TTLL1: variants seen among roughly 807,000 people sequenced by gnomAD.
TTLL1 encodes polyglutamylase complex subunit TTLL1.
A neutral mutation model predicts 47.8 loss-of-function variants in TTLL1; 33 were observed. The observed-to-expected ratio is 0.69, with a 90% confidence interval of 0.52 to 0.92. The LOEUF (loss-of-function observed/expected upper bound fraction) is 0.92, where lower values mean the gene tolerates loss of function less well. TTLL1 is among the 40% of genes least tolerant of loss of function. The pLI, the probability that TTLL1 is intolerant of heterozygous loss-of-function variation, is 0.00. For synonymous variants in TTLL1, 225 were observed against 214.1 expected, an observed-to-expected ratio of 1.05 and a Z score of -0.45; for missense variants, 488 against 547.5, an observed-to-expected ratio of 0.89 and a Z score of 1.08.
chr22:43,054,723 C>CTTTT (rs60472260), intron 8 of TTLL1, among the ~76,000 whole-genome samples: 21 of 95,768 alleles, frequency 2.2e-4, no homozygotes, highest in Admixed American at 8.4e-4. Context: ...TGCACCTGGC[C>CTTTT]TTTTTTTTTT....
At chr22:43,082,112 A>T (rs1204705820) in intron 1 of TTLL1, among the ~76,000 whole-genome samples, 1 of 151,676 alleles carries the variant, frequency 6.6e-6, no homozygotes, top group Non-Finnish European at 1.5e-5. Flanking sequence ...TCTGCCTCCC[A>T]AAGTGCTGGG....
At chr22:43,087,322 C>T (rs1044042814) in intron 1 of TTLL1, among the ~76,000 whole-genome samples, 11 of 151,992 alleles carry the variant, frequency 7.2e-5, no homozygotes, top group African/African-American at 2.2e-4. Flanking sequence ...GTCGGGAGTT[C>T]GAGACCAGCC....
intron 2 of TTLL1, among the ~76,000 whole-genome samples, chr22:43,076,854 C>A (rs1253919736): frequency 6.6e-6 from 1 of 152,022 alleles, no homozygotes; most frequent in Admixed American, 6.6e-5. Flanking sequence ...GTAATCCCAG[C>A]ACTTTGGGAG....
intron 2 of TTLL1, among the ~76,000 whole-genome samples, chr22:43,079,275 G>A (rs1928724472): frequency 7.1e-6 from 1 of 140,252 alleles, no homozygotes; most frequent in Non-Finnish European, 1.5e-5. Flanking sequence ...CCGCACCCCA[G>A]AGCGTGAGCC....
chr22:43,057,949 TA>T (rs1467817619), intron 8 of TTLL1, among the ~76,000 whole-genome samples: 1,186 of 118,552 alleles, frequency 0.01, 10 homozygotes, highest in African/African-American at 0.029. Context: ...TATATATATA[TA>T]TATTTTTTTT....
chr22:43,081,412 T>C (rs1337820378), intron 1 of TTLL1, among the ~76,000 whole-genome samples: 4 of 152,062 alleles, frequency 2.6e-5, no homozygotes, highest in Admixed American at 6.6e-5. Context: ...GTCGCTCCCA[T>C]AGAGATGTGT....
At chr22:43,047,203 A>C (rs1926211797) in intron 9 of TTLL1, among the ~76,000 whole-genome samples, 2 of 152,194 alleles carry the variant, frequency 1.3e-5, no homozygotes, top group South Asian at 4.1e-4. Context: ...CAAGAGCCCC[A>C]CAAGGGTTTG....
At chr22:43,088,921 T>G (rs769294549) in intron 1 of TTLL1, among the ~76,000 whole-genome samples, 1 of 152,072 alleles carries the variant, frequency 6.6e-6, no homozygotes, top group Non-Finnish European at 1.5e-5. Flanking sequence ...CTGAGTTCTC[T>G]CCACAGGTAC....
rs754255719 is a variant in TTLL1, at chr22:43,039,877, C to T, written c.1171G>A (p.Gly391Arg). 13 of 1,613,734 alleles carry T rather than the reference C, an allele frequency of 8.1e-6. No individual in the cohort carries two copies. Among genetic ancestry groups the T allele is most frequent in the East Asian group, 4.5e-5 (2 of 44,896 alleles). The change falls in exon 11 of 11, where the codon GGG becomes AGG. Residue 391 changes from glycine to arginine, a missense_variant. Coordinates refer to ENST00000266254, the MANE Select transcript of TTLL1 (RefSeq NM_012263.5). ...CGGCTTCTCAGCTCCCGGTCAGCCC[C>T]GTCACCCTGGGCCAATTCTTCATCA... Reference protein sequence around the residue: ...LYDEELAQGDGADRELRSRQG... With the variant: ...LYDEELAQGDRADRELRSRQG...
chr22:43,076,531 C>T (rs1928504252), intron 2 of TTLL1, among the ~76,000 whole-genome samples: 1 of 151,870 alleles, frequency 6.6e-6, no homozygotes, highest in Non-Finnish European at 1.5e-5. Context: ...GTGGGCAGAT[C>T]ATGAGGTCAG....
intron 8 of TTLL1, among the ~76,000 whole-genome samples, chr22:43,052,663 G>A (rs1009397408): frequency 6.6e-6 from 1 of 152,110 alleles, no homozygotes; most frequent in Admixed American, 6.6e-5. Flanking sequence ...AGGAAGAGGA[G>A]TGCCGTGAGG....
In TTLL1 at chr22:43,069,799, T is replaced by C. The variant is rs1927995434; in HGVS notation, c.159A>G (p.Gly53=). Residue 53 remains glycine (G), a synonymous_variant, in exon 4 of 11, where the codon GGA becomes GGG. Coordinates refer to ENST00000266254, the MANE Select transcript of TTLL1 (RefSeq NM_012263.5). ...CTATTTGGTCATCTGAGAGCCGATATCCAGCTTCAACGCTGAACACATTTC... is the reference window on the plus strand; with the variant it reads ...CTATTTGGTCATCTGAGAGCCGATACCCAGCTTCAACGCTGAACACATTTC... The part of the protein sequence containing the change: ...TIRNVFSVEA[G]YRLSDDQIVN... The C allele has an allele frequency of 6.2e-7, 1 of 1,614,082 alleles. No homozygotes were observed. Among genetic ancestry groups the C allele is most frequent in the African/African-American group, 1.3e-5 (1 of 74,942 alleles).
chr22:43,050,170 C>A (rs1926502029), intron 9 of TTLL1, among the ~76,000 whole-genome samples: 2 of 151,980 alleles, frequency 1.3e-5, no homozygotes, highest in South Asian at 4.1e-4. Context: ...GTAATCCCAG[C>A]ACTTTGGGAG....
intron 3 of TTLL1, among the ~76,000 whole-genome samples, chr22:43,071,509 G>A (rs948527098): frequency 1.4e-4 from 21 of 151,992 alleles, no homozygotes; most frequent in African/African-American, 3.9e-4. Flanking sequence ...TCGCAGGTTC[G>A]AGCCATTCTC....
At position 43,051,851 on chromosome 22, in the gene TTLL1, A is replaced by G; in HGVS notation, c.928T>C (p.Tyr310His). 6.2e-7 allele frequency: 1 copy of G among 1,614,086 alleles called. No homozygotes were observed. The change falls in exon 9 of 11, where the codon TAT becomes CAT. Residue 310 changes from tyrosine (Y) to histidine (H), a missense_variant. Physicochemically the swap from Tyr to His is moderately conservative, Grantham distance 83. Coordinates refer to ENST00000266254, the MANE Select transcript of TTLL1 (RefSeq NM_012263.5). ...MNNDKHCFEC[Y>H]GYDIIIDDKL... Reference sequence around the variant, plus strand: ...TCGTCGATGATGATGTCGTAGCCATAGCATTCAAAGCAGTGCTTGTCATTG... The same window carrying G: ...TCGTCGATGATGATGTCGTAGCCATGGCATTCAAAGCAGTGCTTGTCATTG...
rs1601654956 is a variant in TTLL1, at chr22:43,046,685, T to C, written c.979-112A>G. The C allele has an allele frequency of 5.4e-6, 7 of 1,304,316 alleles. No individual in the cohort carries two copies. In the East Asian group the frequency reaches 1.7e-4, roughly 31 times the overall value. 80.8% of individuals were successfully genotyped at this position (1,304,316 alleles called of 1,614,324 possible). A position where few individuals can be genotyped will look rare whatever the true frequency, so the allele number is the denominator to read the frequency against. ...CTACACACTTTAGTGAAGTTTTTTT[T>C]TGAGACAGAGTTTCGCTCTTGTTGC... On this transcript the variant is annotated intron_variant, in intron 9 of 10. Coordinates refer to ENST00000266254, the MANE Select transcript of TTLL1 (RefSeq NM_012263.5).
chr22:43,047,928 G>A (rs1483728425), intron 9 of TTLL1, among the ~76,000 whole-genome samples: 1 of 152,178 alleles, frequency 6.6e-6, no homozygotes, highest in Admixed American at 6.5e-5. Flanking sequence ...AATATGTACT[G>A]TGCCAAAGAA....
intron 2 of TTLL1, among the ~76,000 whole-genome samples, chr22:43,076,490 G>A (rs9608000): frequency 0.077 from 11,668 of 151,504 alleles, 567 homozygotes; most frequent in Non-Finnish European, 0.11. Flanking sequence ...GGTGGCTCAC[G>A]CCTGTAATCC....
chr22:43,067,913 C>T (rs1214966849), intron 5 of TTLL1, among the ~76,000 whole-genome samples: 1 of 151,718 alleles, frequency 6.6e-6, no homozygotes, highest in Non-Finnish European at 1.5e-5. Flanking sequence ...AAGCGATTCT[C>T]CTGCCTCAGC....
Sources: gnomAD v4.1 joint callset for allele counts (sites outside exome capture counted in the v4.1 genomes callset) on GRCh38, gnomAD v4.1.1 for gene constraint, MANE v1.5 for transcripts, NCBI Gene and HGNC (gene_info 2026-07-23, HGNC 2026-07-21) for gene names.